RGS7: variants seen among roughly 807,000 people sequenced by gnomAD.
RGS7 encodes the protein regulator of G protein signaling 7.
A neutral mutation model predicts 81.1 loss-of-function variants in RGS7; 27 were observed. The observed-to-expected ratio is 0.33, with a 90% CI of 0.25 to 0.46. The LOEUF (loss-of-function observed/expected upper bound fraction) is 0.46, where lower values mean the gene tolerates loss of function less well. Ranked by LOEUF, RGS7 falls within the 20% of genes least tolerant of loss-of-function variation. RGS7 has a pLI of 1.00. For missense variants in RGS7, 396 were observed against 607.4 expected, an observed-to-expected ratio of 0.65 and a Z score of 3.66; for synonymous variants, 208 against 207.7, an observed-to-expected ratio of 1.00 and a Z score of -0.01.
chr1:240,976,772 A>T (rs1684137692), intron 4 of RGS7, among the ~76,000 whole-genome samples: 1 of 133,592 alleles, frequency 7.5e-6, no homozygotes, highest in African/African-American at 2.7e-5. Context: ...TCTATCTATC[A>T]TCGATCTATC....
chr1:240,791,834 A>G (rs1210555856), intron 18 of RGS7, among the ~76,000 whole-genome samples: 1 of 152,206 alleles, frequency 6.6e-6, no homozygotes, highest in East Asian at 1.9e-4. Flanking sequence ...AGATACTTAA[A>G]ACAAATTTAT....
At chr1:240,959,046 G>C (rs1416037955) in intron 4 of RGS7, among the ~76,000 whole-genome samples, 1 of 152,140 alleles carries the variant, frequency 6.6e-6, no homozygotes, top group Non-Finnish European at 1.5e-5. Flanking sequence ...AATAAAGTAA[G>C]AAAAAGTAAA....
At chr1:240,840,819 A>G (rs1358159954) in intron 9 of RGS7, among the ~76,000 whole-genome samples, 1 of 152,180 alleles carries the variant, frequency 6.6e-6, no homozygotes, top group Non-Finnish European at 1.5e-5. Context: ...GGAGTCTGAA[A>G]TTTCCTGGTA....
At position 240,775,801 on chromosome 1, in the gene RGS7, ACAGTTCTTC is replaced by A. The variant is rs1422458565; in HGVS notation, c.*410_*418del. ...TTATTGATATATACTTTTTTCTTTT[ACAGTTCTTC>A]CAGTTTTTGACTGACTGAATTTTCA... On this transcript the variant is annotated 3_prime_UTR_variant, in exon 19 of 19. Transcript: ENST00000440928. 6.2e-5 allele frequency: 16 copies of A among 258,680 alleles called. No individual in the cohort carries two copies. The highest frequency in any genetic ancestry group is 1.1e-4 in the Non-Finnish European group (15 of 131,280). The allele number at this position is 258,680 out of a possible 1,614,324, so 16.0% of individuals were successfully genotyped here.
intron 2 of RGS7, among the ~76,000 whole-genome samples, chr1:241,316,425 C>G (rs1336486492): frequency 6.6e-6 from 1 of 152,196 alleles, no homozygotes; most frequent in African/African-American, 2.4e-5. Flanking sequence ...TGACCAGTCC[C>G]CACATCCTGA....
intron 4 of RGS7, among the ~76,000 whole-genome samples, chr1:240,945,238 GAAAA>G (rs1190759866): frequency 2.0e-5 from 3 of 152,182 alleles, no homozygotes; most frequent in Admixed American, 6.5e-5. Flanking sequence ...ACACGAAAGA[GAAAA>G]ATAGCCCAAT....
At chr1:241,295,177 G>A (rs776406632) in intron 2 of RGS7, among the ~76,000 whole-genome samples, 32 of 152,010 alleles carry the variant, frequency 2.1e-4, no homozygotes, top group Admixed American at 5.2e-4. Context: ...GGCCGGGTGC[G>A]GTGGCTCACG....
At chr1:241,248,133 G>A (rs1026738473) in intron 2 of RGS7, among the ~76,000 whole-genome samples, 6 of 151,902 alleles carry the variant, frequency 3.9e-5, no homozygotes, top group African/African-American at 7.3e-5. Context: ...TTAGGATTGC[G>A]AATCATTATG....
chr1:241,003,065 T>G (rs1431515532), intron 3 of RGS7, among the ~76,000 whole-genome samples: 1 of 152,192 alleles, frequency 6.6e-6, no homozygotes, highest in Non-Finnish European at 1.5e-5. Context: ...ATTTTAAAAA[T>G]TTACACTATT....
chr1:241,355,872 C>A, intron 1 of RGS7, 46 bp from the exon 2 acceptor site: 1 of 981,690 alleles, frequency 1.0e-6, no homozygotes, highest in Non-Finnish European at 1.6e-6. Flanking sequence ...GTGGGACTCC[C>A]CTGATTCATC....
At chr1:240,800,821 A>G in intron 17 of RGS7, 100 bp from the exon 18 acceptor site, 3 of 585,020 alleles carry the variant, frequency 5.1e-6, no homozygotes, top group Non-Finnish European at 8.9e-6. Context: ...TCTTACAAAC[A>G]AATATATATC....
chr1:240,915,033 T>C (rs1180277103), intron 6 of RGS7, among the ~76,000 whole-genome samples: 1 of 152,170 alleles, frequency 6.6e-6, no homozygotes, highest in Non-Finnish European at 1.5e-5. Context: ...TACCACACAT[T>C]TGTGACTTTT....
chr1:241,011,998 C>T (rs991748913), intron 3 of RGS7, among the ~76,000 whole-genome samples: 3 of 151,992 alleles, frequency 2.0e-5, no homozygotes, highest in South Asian at 2.1e-4. Flanking sequence ...TTTTGCTTTG[C>T]GCTGTGGTCT....
At position 240,906,143 on chromosome 1, in the gene RGS7, C is replaced by A. The variant is rs566040005; in HGVS notation, c.385+24574G>T. Among the ~76,000 whole-genome samples, 15 of 152,160 alleles carry A rather than the reference C, an allele frequency of 9.9e-5. No homozygotes were observed. In the South Asian group the frequency reaches 1.5e-3, roughly 15 times the overall value. On this transcript the variant is annotated intron_variant, in intron 6 of 18. Coordinates refer to ENST00000440928, the MANE Select transcript of RGS7 (RefSeq NM_001364886.1). ...CTAGATGGAGACTAGGAACTCTAAGCAAATATCTATAAAGTTCACAACAAG... is the reference window on the plus strand; with the variant it reads ...CTAGATGGAGACTAGGAACTCTAAGAAAATATCTATAAAGTTCACAACAAG...
intron 2 of RGS7, among the ~76,000 whole-genome samples, chr1:241,318,973 C>G (rs543242809): frequency 1.8e-4 from 28 of 152,244 alleles, no homozygotes; most frequent in African/African-American, 6.7e-4. Context: ...ACGAAGGATA[C>G]TGATCCATCA....
At chr1:240,807,072 A>C (rs1413516915) in intron 14 of RGS7, among the ~76,000 whole-genome samples, 1 of 152,238 alleles carries the variant, frequency 6.6e-6, no homozygotes, top group Non-Finnish European at 1.5e-5. Flanking sequence ...GGAATAATAT[A>C]TACTGACTTA....
At chr1:241,088,379 T>C (rs1031079026) in intron 3 of RGS7, among the ~76,000 whole-genome samples, 1 of 151,866 alleles carries the variant, frequency 6.6e-6, no homozygotes, top group Non-Finnish European at 1.5e-5. Context: ...TATTCTGAGG[T>C]AAAGGCAATT....
chr1:241,235,873 G>A lies in RGS7; in HGVS notation c.78+119826C>T, dbSNP rs539342298. Among the ~76,000 whole-genome samples the A allele has an allele frequency of 3.7e-5, 5 of 133,432 alleles. No individual in the cohort carries two copies. The Admixed American group carries it at 3.9e-4, about 10-fold the overall frequency. The allele number at this position is 133,432 out of a possible 152,430, so 87.5% of individuals were successfully genotyped here. ...CATTTCCCTCAACCTAATATAGGGA[G>A]TGAGATACAAGGGTGAACCCCTAGG... On this transcript the variant is annotated intron_variant, in intron 2 of 18. Coordinates refer to ENST00000440928, the MANE Select transcript of RGS7 (RefSeq NM_001364886.1).
intron 18 of RGS7, among the ~76,000 whole-genome samples, chr1:240,778,767 T>C (rs12754535): frequency 0.74 from 112,188 of 152,018 alleles, 41,635 homozygotes; most frequent in Non-Finnish European, 0.78. Context: ...CTCTTGACCT[T>C]GTGATCCACC....
Sources: gnomAD v4.1 joint callset for allele counts (sites outside exome capture counted in the v4.1 genomes callset) on GRCh38, gnomAD v4.1.1 for gene constraint, MANE v1.5 for transcripts, NCBI Gene and HGNC (gene_info 2026-07-23, HGNC 2026-07-21) for gene names.